NFS1: variants seen among roughly 807,000 people sequenced by gnomAD.
The protein encoded by NFS1 is NFS1 cysteine desulfurase, also known as cysteine desulfurase.
Under a neutral mutation model 57.3 loss-of-function variants are expected in NFS1, and 26 were observed. That is an observed-to-expected ratio of 0.45 (90% CI 0.33 to 0.63). The LOEUF (loss-of-function observed/expected upper bound fraction) is 0.63, where lower values mean the gene tolerates loss of function less well. NFS1 is among the 20% of genes least tolerant of loss of function. The pLI is 0.02. For missense variants in NFS1, 505 were observed against 605.8 expected (o/e 0.83, Z 1.75); for synonymous variants, 209 against 216.3 (o/e 0.97, Z 0.30).
At chr20:35,675,872 CAAAAAAAAAAA>C (rs757837083) in intron 7 of NFS1, 2 of 71,716 alleles carry the variant, frequency 2.8e-5, no homozygotes, top group African/African-American at 4.9e-5. Flanking sequence ...CTCTGTCTCC[CAAAAAAAAAAA>C]AAAAAAAAAG....
chr20:35,669,395 CCA>C lies in NFS1; in HGVS notation c.*225_*226del, dbSNP rs2034615694. The C allele has an allele frequency of 2.1e-6, 1 of 477,672 alleles. No individual in the cohort carries two copies. Among genetic ancestry groups the C allele is most frequent in the African/African-American group, 2.0e-5 (1 of 51,238 alleles). 29.6% of individuals were successfully genotyped at this position (477,672 alleles called of 1,614,324 possible). The stretch of plus-strand genomic sequence containing the variant: ...CTCTATGGCTTCGGGATGAAAATGT[CCA>C]CACACTTTAAGACCCGAGAAGAAAT... On this transcript the variant is annotated 3_prime_UTR_variant, in exon 13 of 13. Coordinates refer to ENST00000374092, the MANE Select transcript of NFS1 (RefSeq NM_021100.5).
In NFS1 at chr20:35,698,578, G is replaced by A; in HGVS notation, c.110C>T (p.Ala37Val). 1.2e-6 allele frequency: 2 copies of A among 1,611,758 alleles called. No homozygotes were observed. Among genetic ancestry groups the A allele is most frequent in the Non-Finnish European group, 1.7e-6 (2 of 1,179,286 alleles). ...ATCTGCGGGAACCGCAGACTGAGGAGCACGGTCTCCAACTGATAAAAAATG... is the reference window on the plus strand; with the variant it reads ...ATCTGCGGGAACCGCAGACTGAGGAACACGGTCTCCAACTGATAAAAAATG... ...RGLRLRVGDR[A>V]PQSAVPADTA... is the part of the protein sequence containing the mutation. The change falls in exon 2 of 13, where the codon GCT becomes GTT. Residue 37 changes from alanine to valine, a missense_variant. Transcript: ENST00000374092.
At chr20:35,677,579 TAAAC>T (rs2034775086) in intron 7 of NFS1, among the ~76,000 whole-genome samples, 1 of 152,148 alleles carries the variant, frequency 6.6e-6, no homozygotes, top group Non-Finnish European at 1.5e-5. Flanking sequence ...AACCTGTGAC[TAAAC>T]AAGCCGAATT....
At chr20:35,672,211 G>C (rs2034667356) in intron 12 of NFS1, among the ~76,000 whole-genome samples, 1 of 151,608 alleles carries the variant, frequency 6.6e-6, no homozygotes, top group Admixed American at 6.6e-5. Flanking sequence ...ACCCACCTCA[G>C]CCTCCCAGAG....
At chr20:35,690,639 A>G in intron 4 of NFS1, 74 bp from the exon 5 acceptor site, 1 of 1,505,146 alleles carries the variant, frequency 6.6e-7, no homozygotes, top group Non-Finnish European at 9.2e-7. Flanking sequence ...TCATTTGTAA[A>G]GGAAAAGTGG....
At chr20:35,680,546 A>T (rs2034830315) in intron 7 of NFS1, among the ~76,000 whole-genome samples, 191 bp downstream of exon 7, 1 of 152,252 alleles carries the variant, frequency 6.6e-6, no homozygotes. Flanking sequence ...GGCCTGATGT[A>T]TAGTAACTGC....
At chr20:35,675,525 A>T (rs1419738661) in intron 7 of NFS1, 2 of 317,354 alleles carry the variant, frequency 6.3e-6, no homozygotes, top group Non-Finnish European at 1.2e-5. Flanking sequence ...GTCCATCATC[A>T]GGGTAATGGT....
At chr20:35,676,770 A>AAAAAAAAAAAAAAAAAC (rs2034754748) in intron 7 of NFS1, among the ~76,000 whole-genome samples, 1 of 148,092 alleles carries the variant, frequency 6.8e-6, no homozygotes, top group Non-Finnish European at 1.5e-5. Flanking sequence ...AAAAAAAAAA[A>AAAAAAAAAAAAAAAAAC]AAAAAAAAAA....
At chr20:35,683,607 T>A (rs1014118372) in intron 5 of NFS1, among the ~76,000 whole-genome samples, 1 of 150,648 alleles carries the variant, frequency 6.6e-6, no homozygotes, top group African/African-American at 2.4e-5. Flanking sequence ...GGTGAAACCT[T>A]GTCTCTACTA....
At chr20:35,677,242 A>G (rs2034768235) in intron 7 of NFS1, among the ~76,000 whole-genome samples, 1 of 152,198 alleles carries the variant, frequency 6.6e-6, no homozygotes, top group African/African-American at 2.4e-5. Flanking sequence ...TAAATTTAAA[A>G]ACAATTTGGT....
At chr20:35,693,004 GA>G (rs367799982) in intron 4 of NFS1, among the ~76,000 whole-genome samples, 53 of 143,830 alleles carry the variant, frequency 3.7e-4, no homozygotes, top group Non-Finnish European at 4.3e-4. Context: ...TCCCCCTTGG[GA>G]AAAAAAAAAA....
chr20:35,695,095 C>A (rs182396981), intron 4 of NFS1, among the ~76,000 whole-genome samples: 17 of 152,300 alleles, frequency 1.1e-4, no homozygotes, highest in Admixed American at 3.3e-4. Context: ...CACAGGTACT[C>A]TTAGCGATCC....
chr20:35,698,809 A>T (rs1017241939), intron 1 of NFS1: 1 of 1,381,902 alleles, frequency 7.2e-7, no homozygotes, highest in Admixed American at 3.5e-5. Context: ...TGTTGAGTTG[A>T]TATTCAAATG....
intron 5 of NFS1, among the ~76,000 whole-genome samples, chr20:35,688,139 C>G (rs1421430366): frequency 6.6e-6 from 1 of 151,964 alleles, no homozygotes; most frequent in East Asian, 1.9e-4. Context: ...ATCTCGGCTA[C>G]TTGAGAGGCT....
rs145410950 is a variant in NFS1, at chr20:35,669,638, T to C, written c.1358A>G (p.Lys453Arg). Residue 453 changes from lysine to arginine, a missense_variant, in exon 13 of 13, where the codon AAG becomes AGG. Physicochemically the swap from Lys to Arg is conservative, Grantham distance 26 (BLOSUM62 2). Transcript: ENST00000374092. ...VQDGIDLKSI[K>R]WTQH ...CCTATTCTTCTAGTGTTGGGTCCAC[T>C]TGATGCTCTTGAGGTCAATGCCATC... 8.1e-5 allele frequency: 131 copies of C among 1,613,986 alleles called. No individual in the cohort carries two copies. The highest frequency in any genetic ancestry group is 1.0e-4 in the Non-Finnish European group (123 of 1,179,962).
intron 5 of NFS1, among the ~76,000 whole-genome samples, chr20:35,686,537 T>TA (rs1399250011): frequency 6.6e-6 from 1 of 152,152 alleles, no homozygotes; most frequent in East Asian, 1.9e-4. Flanking sequence ...CAGAAATTTC[T>TA]AAGTGCTTAA....
intron 7 of NFS1, among the ~76,000 whole-genome samples, chr20:35,678,682 G>A (rs1039366683): frequency 2.0e-5 from 3 of 151,410 alleles, no homozygotes; most frequent in Non-Finnish European, 2.9e-5. Flanking sequence ...CAGCCTGGGC[G>A]TCAGAGTAAG....
At chr20:35,682,067 G>A in intron 5 of NFS1, 86 bp from the exon 6 acceptor site, 3 of 715,958 alleles carry the variant, frequency 4.2e-6, no homozygotes, top group Non-Finnish European at 7.6e-6. Flanking sequence ...TCATGAAAAG[G>A]AGTCTTATAC....
In NFS1 at chr20:35,669,647, T is replaced by C. The variant is rs1282629307; in HGVS notation, c.1349A>G (p.Lys450Arg). The C allele has an allele frequency of 1.2e-6, 2 of 1,614,050 alleles. No homozygotes were observed. The highest frequency in any genetic ancestry group is 2.2e-5 in the South Asian group (2 of 91,074). The change falls in exon 13 of 13, where the codon AAG becomes AGG. Residue 450 changes from lysine (K) to arginine (R), a missense_variant. Transcript: ENST00000374092. ...WEMVQDGIDL[K>R]SIKWTQH ...CTAGTGTTGGGTCCACTTGATGCTC[T>C]TGAGGTCAATGCCATCCTGAACCAT...
Sources: gnomAD v4.1 joint callset for allele counts (sites outside exome capture counted in the v4.1 genomes callset) on GRCh38, gnomAD v4.1.1 for gene constraint, MANE v1.5 for transcripts, NCBI Gene and HGNC (gene_info 2026-07-23, HGNC 2026-07-21) for gene names.